The following ATXN1 variants were observed in gnomAD, a reference collection of about 807,000 sequenced individuals.
The protein encoded by ATXN1 is ataxin-1.
In ATXN1, 8 loss-of-function variants were observed where a neutral mutation model predicts 56.4. The observed-to-expected ratio is 0.14, with a 90% CI of 0.08 to 0.26. The LOEUF (loss-of-function observed/expected upper bound fraction) is 0.26. Among genes scored for constraint, ATXN1 ranks in the 10% least tolerant of loss-of-function variants. The pLI is 1.00. For synonymous variants in ATXN1, 514 were observed against 494.6 expected (o/e 1.04, Z -0.52); for missense variants, 987 against 1,106.5 (o/e 0.89, Z 1.53).
intron 6 of ATXN1, among the ~76,000 whole-genome samples, chr6:16,443,095 T>C (rs1209449645): frequency 6.6e-6 from 1 of 151,496 alleles, no homozygotes; most frequent in Non-Finnish European, 1.5e-5. Flanking sequence ...GGCAGAAGGA[T>C]TGCTTAAGCC....
At chr6:16,761,230 AAAT>A (rs1466959062) in intron 1 of ATXN1, 65 bp downstream of exon 1, 5 of 410,644 alleles carry the variant, frequency 1.2e-5, no homozygotes, top group Non-Finnish European at 2.5e-5. Context: ...ATTTTAATCT[AAAT>A]AAGGGGAGAA....
rs149324933 is a variant in ATXN1, at chr6:16,469,304, T to C, written c.-161+16668A>G. ...AAATAAGTTTAATACAGTGTGATAC[T>C]TGCAGTAATAATGCAAGACCTTATC... is the stretch of plus-strand genomic sequence containing the variant. On this transcript the variant is annotated intron_variant, in intron 6 of 7. Coordinates refer to ENST00000436367, the MANE Select transcript of ATXN1 (RefSeq NM_001128164.2). Among the ~76,000 whole-genome samples, 1,296 of 152,326 alleles carry C rather than the reference T, an allele frequency of 8.5e-3. 5 individuals carry two copies. The highest frequency in any genetic ancestry group is 0.015 in the Non-Finnish European group (990 of 68,030).
intron 3 of ATXN1, among the ~76,000 whole-genome samples, chr6:16,627,271 G>A (rs1185836667): frequency 6.6e-6 from 1 of 152,110 alleles, no homozygotes; most frequent in Non-Finnish European, 1.5e-5. Context: ...AGAACTGTAT[G>A]GTTCTATGCA....
intron 6 of ATXN1, among the ~76,000 whole-genome samples, chr6:16,476,931 T>G (rs946171678): frequency 2.0e-5 from 3 of 152,200 alleles, no homozygotes; most frequent in Non-Finnish European, 4.4e-5. Context: ...AGCACACAGT[T>G]TCATGCAATT....
chr6:16,723,909 C>T (rs886645138), intron 2 of ATXN1, among the ~76,000 whole-genome samples: 5 of 152,062 alleles, frequency 3.3e-5, no homozygotes, highest in Admixed American at 6.6e-5. Context: ...CATTTTCACT[C>T]GACTGTGTTT....
chr6:16,646,371 T>G (rs1332613705), intron 3 of ATXN1, among the ~76,000 whole-genome samples: 4 of 152,222 alleles, frequency 2.6e-5, no homozygotes, highest in African/African-American at 9.6e-5. Flanking sequence ...TCCCATTTTC[T>G]CATCTGTAAA....
intron 6 of ATXN1, among the ~76,000 whole-genome samples, chr6:16,388,914 A>T (rs12663557): frequency 3.3e-5 from 5 of 152,162 alleles, no homozygotes; most frequent in East Asian, 3.9e-4. Flanking sequence ...ATCATTATTT[A>T]AAAAAAATAG....
intron 6 of ATXN1, among the ~76,000 whole-genome samples, chr6:16,359,644 C>G (rs1179705479): frequency 3.3e-5 from 5 of 152,136 alleles, no homozygotes. Flanking sequence ...ATGGGACGAT[C>G]TGCTTATAGA....
chr6:16,485,663 C>G (rs1304037455), intron 6 of ATXN1: 1 of 152,146 alleles, frequency 6.6e-6, no homozygotes, highest in Non-Finnish European at 1.5e-5. Context: ...AAATCTGATA[C>G]TATTTGACTG....
intron 4 of ATXN1, among the ~76,000 whole-genome samples, chr6:16,571,491 CTTTTA>C (rs1164000898): frequency 1.9e-4 from 29 of 152,122 alleles, no homozygotes; most frequent in Non-Finnish European, 2.1e-4. Flanking sequence ...ACATTATTTT[CTTTTA>C]TTTTATTTTT....
intron 3 of ATXN1, among the ~76,000 whole-genome samples, chr6:16,647,281 C>A (rs954358878): frequency 6.6e-6 from 1 of 152,160 alleles, no homozygotes; most frequent in Non-Finnish European, 1.5e-5. Flanking sequence ...GGATTACAGG[C>A]GTGAGCCACC....
At chr6:16,383,586 T>C (rs188571295) in intron 6 of ATXN1, among the ~76,000 whole-genome samples, 33 of 152,312 alleles carry the variant, frequency 2.2e-4, no homozygotes, top group Admixed American at 2.0e-3. Flanking sequence ...ACTTTTCTGT[T>C]TGTGGTCATT....
intron 4 of ATXN1, among the ~76,000 whole-genome samples, chr6:16,535,143 A>C (rs1761573293): frequency 6.6e-6 from 1 of 152,240 alleles, no homozygotes; most frequent in African/African-American, 2.4e-5. Flanking sequence ...CTGTAGCATG[A>C]AGATTTCACA....
At chr6:16,745,151 T>C (rs924906854) in intron 2 of ATXN1, among the ~76,000 whole-genome samples, 6 of 152,228 alleles carry the variant, frequency 3.9e-5, no homozygotes, top group African/African-American at 1.4e-4. Flanking sequence ...TTATTAAGAT[T>C]GAAGCTAGAG....
chr6:16,393,398 C>G (rs1758393997), intron 6 of ATXN1, among the ~76,000 whole-genome samples: 1 of 152,104 alleles, frequency 6.6e-6, no homozygotes, highest in African/African-American at 2.4e-5. Flanking sequence ...CCATACCCGG[C>G]TAATTTTTAA....
At chr6:16,554,286 C>T (rs1287297441) in intron 4 of ATXN1, among the ~76,000 whole-genome samples, 1 of 152,126 alleles carries the variant, frequency 6.6e-6, no homozygotes, top group Non-Finnish European at 1.5e-5. Flanking sequence ...AGAGGTTTTC[C>T]CTAAAAATCT....
rs188658245 is a variant in ATXN1, at chr6:16,345,878, C to T, written c.-160-17408G>A. Among the ~76,000 whole-genome samples, 577 of 152,238 alleles carry T rather than the reference C, an allele frequency of 3.8e-3. 3 individuals are homozygous for T. Among genetic ancestry groups the T allele is most frequent in the African/African-American group, 0.013 (522 of 41,512 alleles). ...GGACACTGAATGAGCTGCCAGAAGC[C>T]CTTCAGCATTGGGCTGCCAAACTGC... On this transcript the variant is annotated intron_variant, in intron 6 of 7. Transcript: ENST00000436367.
chr6:16,736,443 C>T (rs1480190325), intron 2 of ATXN1, among the ~76,000 whole-genome samples: 2 of 152,124 alleles, frequency 1.3e-5, no homozygotes, highest in Non-Finnish European at 2.9e-5. Flanking sequence ...AAGAGCTTTT[C>T]AGGAGTAAAA....
intron 3 of ATXN1, among the ~76,000 whole-genome samples, chr6:16,635,340 T>C (rs1271736760): frequency 6.6e-6 from 1 of 152,156 alleles, no homozygotes; most frequent in Non-Finnish European, 1.5e-5. Context: ...CATAATAATA[T>C]AAATAAAGTG....
Sources: gnomAD v4.1 joint callset for allele counts (sites outside exome capture counted in the v4.1 genomes callset) on GRCh38, gnomAD v4.1.1 for gene constraint, MANE v1.5 for transcripts, NCBI Gene and HGNC (gene_info 2026-07-23, HGNC 2026-07-21) for gene names.